The following ACBD6 variants were observed in gnomAD, a reference collection of about 807,000 sequenced individuals.
The protein encoded by ACBD6 is acyl-CoA-binding domain-containing protein 6.
A neutral mutation model predicts 37.2 loss-of-function variants in ACBD6; 28 were observed. That is an observed-to-expected ratio of 0.75 (90% CI 0.56 to 1.03). The LOEUF is 1.03. ACBD6 is among the 50% of genes least tolerant of loss of function. The pLI is 0.00. For missense variants in ACBD6, 340 were observed against 337.4 expected, an observed-to-expected ratio of 1.01 and a Z score of -0.06; for synonymous variants, 113 against 126.8, an observed-to-expected ratio of 0.89 and a Z score of 0.73.
chr1:180,492,289 C>G lies in ACBD6; in HGVS notation c.364G>C (p.Asp122His). 1 of 1,613,938 alleles carries G rather than the reference C, an allele frequency of 6.2e-7. No individual in the cohort carries two copies. The highest frequency in any genetic ancestry group is 8.5e-7 in the Non-Finnish European group (1 of 1,179,892). Residue 122 changes from aspartate (D) to histidine (H), a missense_variant, in exon 3 of 8, where the codon GAT (aspartate) becomes CAT (histidine). Transcript: ENST00000367595. The part of the protein sequence containing the change: ...QEYIAVVKKL[D>H]PGWNPQIPEK... ...CTTACCTGAGGATTCCAACCTGGAT[C>G]TAGTTTTTTAACTACTGCGATATAT... is the stretch of plus-strand genomic sequence containing the variant.
chr1:180,389,321 G>A (rs1653975503), intron 6 of ACBD6, among the ~76,000 whole-genome samples: 1 of 152,146 alleles, frequency 6.6e-6, no homozygotes, highest in Non-Finnish European at 1.5e-5. Flanking sequence ...TCCCTACAAA[G>A]AACATGAATT....
At chr1:180,309,256 C>T (rs2149288387) in intron 7 of ACBD6, among the ~76,000 whole-genome samples, 1 of 152,282 alleles carries the variant, frequency 6.6e-6, no homozygotes, top group African/African-American at 2.4e-5. Context: ...TGTACCAGTA[C>T]ATAAAGAAAA....
At chr1:180,298,630 G>A (rs1163122566) in intron 7 of ACBD6, among the ~76,000 whole-genome samples, 1 of 152,182 alleles carries the variant, frequency 6.6e-6, no homozygotes, top group South Asian at 2.1e-4. Context: ...AATGCTACCT[G>A]AGGCTAATAA....
intron 3 of ACBD6, among the ~76,000 whole-genome samples, chr1:180,465,433 G>A (rs1027316529): frequency 6.6e-6 from 1 of 152,110 alleles, no homozygotes; most frequent in African/African-American, 2.4e-5. Context: ...CTGATCATTC[G>A]AGAAATGCAA....
At chr1:180,495,301 A>G (rs1651688920) in intron 2 of ACBD6, among the ~76,000 whole-genome samples, 160 bp downstream of exon 2, 1 of 152,262 alleles carries the variant, frequency 6.6e-6, no homozygotes, top group Admixed American at 6.5e-5. Context: ...AGCTAAAAGT[A>G]GATTTCTTTA....
chr1:180,497,088 C>T (rs552252841), intron 1 of ACBD6, among the ~76,000 whole-genome samples: 167 of 152,332 alleles, frequency 1.1e-3, no homozygotes, highest in African/African-American at 3.6e-3. Context: ...TCTAAAATCA[C>T]ATGAACTACC....
intron 6 of ACBD6, among the ~76,000 whole-genome samples, chr1:180,393,323 T>C (rs1194409305): frequency 6.6e-6 from 1 of 152,130 alleles, no homozygotes; most frequent in Non-Finnish European, 1.5e-5. Context: ...AAAAAAAATG[T>C]ATGAGATAGA....
At chr1:180,339,967 G>A (rs1651914349) in intron 6 of ACBD6, among the ~76,000 whole-genome samples, 1 of 152,104 alleles carries the variant, frequency 6.6e-6, no homozygotes, top group Non-Finnish European at 1.5e-5. Context: ...CGTGAAGATG[G>A]TAAGGGAATA....
At chr1:180,430,887 C>T (rs1648786650) in intron 3 of ACBD6, among the ~76,000 whole-genome samples, 1 of 152,042 alleles carries the variant, frequency 6.6e-6, no homozygotes, top group Non-Finnish European at 1.5e-5. Flanking sequence ...TAATAAGATT[C>T]TTCTAAAACA....
chr1:180,415,480 G>A (rs1648049824), intron 4 of ACBD6, among the ~76,000 whole-genome samples: 1 of 151,718 alleles, frequency 6.6e-6, no homozygotes, highest in Non-Finnish European at 1.5e-5. Flanking sequence ...AGGATAATAG[G>A]GACCTACTTT....
chr1:180,295,887 C>A (rs1649897619), intron 7 of ACBD6, among the ~76,000 whole-genome samples: 1 of 152,072 alleles, frequency 6.6e-6, no homozygotes, highest in African/African-American at 2.4e-5. Context: ...ACAATGAACT[C>A]CAATCCTTTT....
At chr1:180,330,166 C>T (rs1651423782) in intron 6 of ACBD6, among the ~76,000 whole-genome samples, 1 of 152,020 alleles carries the variant, frequency 6.6e-6, no homozygotes, top group Non-Finnish European at 1.5e-5. Flanking sequence ...AATTCTAGTA[C>T]TTTGAGAGGC....
chr1:180,318,062 C>G (rs1036249963), intron 6 of ACBD6, among the ~76,000 whole-genome samples: 10 of 150,648 alleles, frequency 6.6e-5, no homozygotes, highest in African/African-American at 2.4e-4. Context: ...TCTGTAGTCC[C>G]AGCTACTCGG....
At chr1:180,410,954 T>A (rs1647830111) in intron 5 of ACBD6, among the ~76,000 whole-genome samples, 1 of 152,176 alleles carries the variant, frequency 6.6e-6, no homozygotes, top group South Asian at 2.1e-4. Context: ...ATTAAGAACA[T>A]GTGTGATGGG....
chr1:180,490,303 T>C (rs923063817), intron 3 of ACBD6, among the ~76,000 whole-genome samples: 1 of 152,192 alleles, frequency 6.6e-6, no homozygotes, highest in African/African-American at 2.4e-5. Context: ...ATATTTGGTG[T>C]CTTATAAAAG....
At chr1:180,424,889 G>A (rs1648520814) in intron 4 of ACBD6, among the ~76,000 whole-genome samples, 1 of 152,130 alleles carries the variant, frequency 6.6e-6, no homozygotes, top group South Asian at 2.1e-4. Context: ...CACACAGGAG[G>A]TAAATGAAGC....
At chr1:180,359,607 T>G (rs949046403) in intron 6 of ACBD6, among the ~76,000 whole-genome samples, 2 of 152,200 alleles carry the variant, frequency 1.3e-5, no homozygotes, top group African/African-American at 4.8e-5. Context: ...CATTTAGACA[T>G]TTAGAAGATA....
intron 6 of ACBD6, among the ~76,000 whole-genome samples, chr1:180,388,354 A>G (rs1035239348): frequency 1.3e-5 from 2 of 152,184 alleles, no homozygotes; most frequent in African/African-American, 4.8e-5. Context: ...AGGCAGAAAT[A>G]AGTCTTATCA....
At chr1:180,282,683 T>A (rs566798784) in intron 8 of ACBD6, among the ~76,000 whole-genome samples, 16 of 152,316 alleles carry the variant, frequency 1.1e-4, no homozygotes, top group Non-Finnish European at 1.8e-4. Flanking sequence ...ACTGCAGGGC[T>A]TAAAGCTGGA....
Sources: gnomAD v4.1 joint callset for allele counts (sites outside exome capture counted in the v4.1 genomes callset) on GRCh38, gnomAD v4.1.1 for gene constraint, MANE v1.5 for transcripts, NCBI Gene and HGNC (gene_info 2026-07-23, HGNC 2026-07-21) for gene names.